Variants in DOCK10 observed in about 807,000 individuals in gnomAD.
DOCK10 encodes the protein dedicator of cytokinesis 10.
In DOCK10, 145 loss-of-function variants were observed where a neutral mutation model predicts 280.1. The ratio of observed to expected loss-of-function variants is 0.52; its 90% CI spans 0.45 to 0.59. The LOEUF (loss-of-function observed/expected upper bound fraction) is 0.59, where lower values mean the gene tolerates loss of function less well. Ranked by LOEUF, DOCK10 falls within the 20% of genes least tolerant of loss-of-function variation. The pLI is 0.00. For missense variants in DOCK10, 2,368 were observed against 2,651.7 expected (o/e 0.89, Z 2.35); for synonymous variants, 915 against 942.2 (o/e 0.97, Z 0.53).
At chr2:224,954,304 C>A (rs957648737) in intron 1 of DOCK10, among the ~76,000 whole-genome samples, 2 of 152,038 alleles carry the variant, frequency 1.3e-5, no homozygotes, top group African/African-American at 4.8e-5. Flanking sequence ...TCAGAGATAT[C>A]CATTTCCAGA....
At chr2:224,851,254 G>A (rs1163268848) in intron 18 of DOCK10, among the ~76,000 whole-genome samples, 1 of 152,080 alleles carries the variant, frequency 6.6e-6, no homozygotes. Flanking sequence ...TGAAGCAAGG[G>A]ACGCACATGT....
intron 2 of DOCK10, among the ~76,000 whole-genome samples, chr2:224,924,621 TTA>T (rs1701958538): frequency 6.6e-6 from 1 of 152,220 alleles, no homozygotes; most frequent in Non-Finnish European, 1.5e-5. Context: ...ATTATTTGGG[TTA>T]TTCTCATTTT....
At chr2:224,853,180 A>G in intron 16 of DOCK10, 58 bp from the exon 17 acceptor site, 3 of 1,396,926 alleles carry the variant, frequency 2.1e-6, no homozygotes, top group Non-Finnish European at 2.9e-6. Flanking sequence ...AAAGTGAACA[A>G]TAGTTAACAT....
intron 3 of DOCK10, among the ~76,000 whole-genome samples, chr2:224,899,132 A>C (rs765655507): frequency 3.9e-5 from 6 of 152,226 alleles, no homozygotes; most frequent in Non-Finnish European, 7.4e-5. Flanking sequence ...CCCTTTTTGC[A>C]TTCCCTTTCA....
At chr2:224,825,308 C>T (rs1030537908) in intron 27 of DOCK10, among the ~76,000 whole-genome samples, 18 of 152,232 alleles carry the variant, frequency 1.2e-4, no homozygotes, top group Non-Finnish European at 2.4e-4. Flanking sequence ...GCCACTTTAC[C>T]AGGACATCAC....
At chr2:224,839,506 G>T (rs79808201) in intron 24 of DOCK10, among the ~76,000 whole-genome samples, 1 of 152,276 alleles carries the variant, frequency 6.6e-6, no homozygotes, top group South Asian at 2.1e-4. Flanking sequence ...CCACATCGTG[G>T]AATACTACTC....
Position 224,788,996 on chromosome 2 carries a change from T to A in DOCK10, c.5418+68A>T, listed in dbSNP as rs560920266. On this transcript the variant is annotated intron_variant, in intron 48 of 55. Transcript: ENST00000258390. ...GCTGTAAGCTTGTTTCCCCCTTATT[T>A]AGCTTAATGTCACAAGCCAATGCAT... The A allele has an allele frequency of 1.6e-5, 15 of 916,240 alleles. No individual in the cohort carries two copies. The South Asian group carries it at 2.2e-4, about 14-fold the overall frequency. The allele number at this position is 916,240 out of a possible 1,614,324, so 56.8% of individuals were successfully genotyped here.
At chr2:224,997,325 G>A (rs1706303324) in intron 1 of DOCK10, among the ~76,000 whole-genome samples, 1 of 151,674 alleles carries the variant, frequency 6.6e-6, no homozygotes, top group Non-Finnish European at 1.5e-5. Context: ...TCTGCCTCCC[G>A]GGTTCATGTG....
chr2:224,902,388 C>G (rs75647090), intron 3 of DOCK10, among the ~76,000 whole-genome samples: 1 of 152,102 alleles, frequency 6.6e-6, no homozygotes, highest in Non-Finnish European at 1.5e-5. Flanking sequence ...CCCTTAGTCA[C>G]CACTGGAAAT....
intron 1 of DOCK10, chr2:224,983,708 TG>T (rs1705870802): frequency 2.1e-6 from 1 of 468,388 alleles, no homozygotes; most frequent in African/African-American, 2.0e-5. Context: ...TTAATTGGTA[TG>T]TTCACCCCAG....
At chr2:224,839,828 C>G (rs1695838375) in intron 24 of DOCK10, 126 bp downstream of exon 24, 2 of 447,830 alleles carry the variant, frequency 4.5e-6, no homozygotes. Flanking sequence ...GTGGAAAATG[C>G]TTAAATTTGA....
chr2:224,990,902 G>A (rs1401170235), intron 1 of DOCK10, among the ~76,000 whole-genome samples: 1 of 152,348 alleles, frequency 6.6e-6, no homozygotes, highest in East Asian at 1.9e-4. Flanking sequence ...AACCAGAAAA[G>A]GATGTCACGT....
At position 224,770,688 on chromosome 2, in the gene DOCK10, T is replaced by C. The variant is rs1188189525; in HGVS notation, c.6205-43A>G. 4 of 1,429,364 alleles carry C rather than the reference T, an allele frequency of 2.8e-6. No homozygotes were observed. Among genetic ancestry groups the C allele is most frequent in the South Asian group, 1.1e-5 (1 of 86,994 alleles). 88.5% of individuals were successfully genotyped at this position (1,429,364 alleles called of 1,614,324 possible). On this transcript the variant is annotated intron_variant, in intron 53 of 55. Coordinates refer to ENST00000258390, the MANE Select transcript of DOCK10 (RefSeq NM_014689.3). The surrounding 1 kb of genome is among the most constrained non-coding windows in gnomAD (Gnocchi z 4.5). ...GGTGAAGGATGATCTACCTTCTGCA[T>C]GGAGTCTTTTCCACCGCTGGAAGAG...
intron 1 of DOCK10, among the ~76,000 whole-genome samples, chr2:225,016,512 TATATATCTATATGCACATAGATAC>T (rs748862170): frequency 0.016 from 2,394 of 145,300 alleles, 65 homozygotes; most frequent in African/African-American, 0.041. Context: ...CATATATATG[TATATATCTATATGCACATAGATAC>T]ATATATCTAT....
intron 2 of DOCK10, among the ~76,000 whole-genome samples, chr2:224,925,539 G>A (rs1200198594): frequency 6.6e-6 from 1 of 152,208 alleles, no homozygotes; most frequent in East Asian, 1.9e-4. Context: ...GCCCGGTGTT[G>A]AAAGTCTAAC....
At chr2:224,869,326 T>C (rs1378795503) in intron 11 of DOCK10, among the ~76,000 whole-genome samples, 1 of 152,248 alleles carries the variant, frequency 6.6e-6, no homozygotes, top group Non-Finnish European at 1.5e-5. Flanking sequence ...TTTCTCATCA[T>C]GAGGATGTTA....
intron 1 of DOCK10, among the ~76,000 whole-genome samples, chr2:224,977,250 G>A (rs1705494985): frequency 6.6e-6 from 1 of 152,158 alleles, no homozygotes; most frequent in South Asian, 2.1e-4. Flanking sequence ...GAATGTTCAT[G>A]GATTTTAAAG....
chr2:224,969,128 AG>A (rs1378590602), intron 1 of DOCK10, among the ~76,000 whole-genome samples: 3 of 152,218 alleles, frequency 2.0e-5, no homozygotes, highest in Admixed American at 6.5e-5. Flanking sequence ...GCTTTTGCCA[AG>A]GAAGTGTTAA....
chr2:224,808,991 C>A lies in DOCK10; in HGVS notation c.3410-905G>T, dbSNP rs373459884. On this transcript the variant is annotated intron_variant, in intron 31 of 55. Coordinates refer to ENST00000258390, the MANE Select transcript of DOCK10 (RefSeq NM_014689.3). ...AAGTTGACTGAAGTATTTGAGGGAG[C>A]AAGGAGAGAGAAATGGCACTGCCAA... is the stretch of plus-strand genomic sequence containing the variant. Among the ~76,000 whole-genome samples the A allele has an allele frequency of 1.5e-4, 23 of 151,582 alleles. 2 individuals are homozygous for A. In the South Asian group the frequency reaches 4.8e-3, roughly 32 times the overall value.
Sources: allele counts gnomAD v4.1 joint callset (sites outside exome capture counted in the v4.1 genomes callset), GRCh38; gene constraint gnomAD v4.1.1; non-coding constraint Gnocchi (gnomAD v3.1); transcripts MANE v1.5; gene names NCBI Gene and HGNC (gene_info 2026-07-23, HGNC 2026-07-21).